DNAH7: variants seen among roughly 807,000 people sequenced by gnomAD.
DNAH7 encodes the protein dynein axonemal heavy chain 7.
A neutral mutation model predicts 444.6 loss-of-function variants in DNAH7; 397 were observed. The ratio of observed to expected loss-of-function variants is 0.89; its 90% CI spans 0.82 to 0.97. DNAH7 has a LOEUF of 0.97. Ranked by LOEUF, DNAH7 falls within the 50% of genes least tolerant of loss-of-function variation. The probability of loss-of-function intolerance (pLI) is 0.00; values close to 1 mark genes in which losing one functional copy is unlikely to be tolerated. For missense variants in DNAH7, 4,902 were observed against 4,800.8 expected (o/e 1.02, Z -0.62); for synonymous variants, 1,636 against 1,624.4 (o/e 1.01, Z -0.17).
rs372630122 is a variant in DNAH7 at position 195,740,546 on chromosome 2, T to C, written c.11868+220A>G. Among the ~76,000 whole-genome samples, 12 of 150,502 alleles carry C rather than the reference T, an allele frequency of 8.0e-5. No individual in the cohort carries two copies. In the East Asian group the frequency reaches 1.2e-3, roughly 15 times the overall value. On this transcript the variant is annotated intron_variant, in intron 64 of 64. Transcript: ENST00000312428. ...TAATTCAATGTTGGAAGCAACTTTA[T>C]AGAACATAATTACCATGAATAACAA...
At chr2:195,804,764 A>C (rs10196348) in intron 54 of DNAH7, among the ~76,000 whole-genome samples, 150,038 of 152,266 alleles carry the variant, frequency 0.99, 73,951 homozygotes, top group Middle Eastern at 1. Context: ...AGATGTATGG[A>C]CACAATCCTC....
intron 64 of DNAH7, among the ~76,000 whole-genome samples, chr2:195,738,362 TCTCA>T (rs562000709): frequency 1.3e-5 from 2 of 152,154 alleles, no homozygotes; most frequent in African/African-American, 4.8e-5. Flanking sequence ...CCTATTTATC[TCTCA>T]CTCAGCCACA....
In DNAH7 at chr2:195,972,380, G is replaced by C. The variant is rs142589377; in HGVS notation, c.1920C>G (p.Ile640Met). 6.2e-7 allele frequency: 1 copy of C among 1,613,866 alleles called. No individual in the cohort carries two copies. The highest frequency in any genetic ancestry group is 1.3e-5 in the African/African-American group (1 of 74,856). ...CTGCTGGAGAAAAGTTGACATACTC[G>C]ATGAGGAAGGCGAGGCAGTTTTTGG... ...VDSKNCLAFL[I>M]EYVNFSPADM... The change falls in exon 16 of 65, where the codon ATC becomes ATG. Residue 640 changes from isoleucine to methionine, a missense_variant. Transcript: ENST00000312428.
chr2:195,839,964 T>C (rs1698585470), intron 47 of DNAH7, among the ~76,000 whole-genome samples: 1 of 151,824 alleles, frequency 6.6e-6, no homozygotes, highest in African/African-American at 2.4e-5. Context: ...TAATTCTACA[T>C]GATCTCTTCC....
chr2:196,043,403 C>CA (rs1559363618), intron 5 of DNAH7, among the ~76,000 whole-genome samples: 1 of 152,034 alleles, frequency 6.6e-6, no homozygotes, highest in East Asian at 1.9e-4. Flanking sequence ...TCGCCTTATA[C>CA]AAAAATCAAC....
rs1318097701 is a variant in DNAH7, at chr2:195,947,171, AT to A, written c.3078+10089del. On this transcript the variant is annotated intron_variant, in intron 19 of 64. Transcript: ENST00000312428. ...TATATATTATTTTTATATATATAGTATTTTTAGTAGAGACGGGGTTTCACCA... is the reference window on the plus strand; with the variant it reads ...TATATATTATTTTTATATATATAGTATTTTAGTAGAGACGGGGTTTCACCA... Among the ~76,000 whole-genome samples the A allele has an allele frequency of 1.7e-4, 25 of 149,188 alleles. No homozygotes were observed. In the East Asian group the frequency reaches 4.5e-3, roughly 27 times the overall value.
At chr2:195,779,425 G>T (rs1413823737) in intron 58 of DNAH7, among the ~76,000 whole-genome samples, 1 of 152,104 alleles carries the variant, frequency 6.6e-6, no homozygotes, top group African/African-American at 2.4e-5. Flanking sequence ...TTTCCAAAAA[G>T]CTGAAGCATT....
At chr2:196,039,055 C>T (rs1173131758) in intron 5 of DNAH7, among the ~76,000 whole-genome samples, 1 of 152,140 alleles carries the variant, frequency 6.6e-6, no homozygotes, top group Non-Finnish European at 1.5e-5. Context: ...CAAAATGTTC[C>T]TTTCAATAGC....
At chr2:195,943,164 T>C (rs1205977458) in intron 19 of DNAH7, among the ~76,000 whole-genome samples, 3 of 152,176 alleles carry the variant, frequency 2.0e-5, no homozygotes, top group African/African-American at 7.2e-5. Flanking sequence ...CATGTGGAAC[T>C]GTAAGTCAAT....
chr2:195,754,265 A>G (rs867151534), intron 63 of DNAH7, 72 bp downstream of exon 63: 2 of 1,429,894 alleles, frequency 1.4e-6, no homozygotes, highest in African/African-American at 2.9e-5. Flanking sequence ...ACAGCTGAGG[A>G]AAGTATGCTA....
chr2:196,001,599 A>T, intron 11 of DNAH7, 76 bp downstream of exon 11: 2 of 1,297,618 alleles, frequency 1.5e-6, no homozygotes, highest in Non-Finnish European at 2.1e-6. Context: ...ACTGATAGAG[A>T]TGTTATTTTC....
intron 57 of DNAH7, among the ~76,000 whole-genome samples, chr2:195,790,006 G>T (rs540569626): frequency 6.6e-6 from 1 of 152,166 alleles, no homozygotes; most frequent in African/African-American, 2.4e-5. Flanking sequence ...GTACAAAAAT[G>T]AGCAGCATTT....
intron 19 of DNAH7, among the ~76,000 whole-genome samples, chr2:195,942,491 AGAG>A (rs772007158): frequency 6.6e-6 from 1 of 152,048 alleles, no homozygotes; most frequent in Non-Finnish European, 1.5e-5. Context: ...AGGAGGAAGA[AGAG>A]GAGATAGCCA....
intron 40 of DNAH7, among the ~76,000 whole-genome samples, chr2:195,865,592 C>A (rs1162454967): frequency 1.3e-5 from 2 of 152,044 alleles, no homozygotes; most frequent in Admixed American, 1.3e-4. Flanking sequence ...TAAAATAAAT[C>A]TCCGGTTATA....
Position 196,068,815 on chromosome 2 carries a change from C to A in DNAH7, c.-104G>T, listed in dbSNP as rs1433288452. 2.1e-6 allele frequency: 3 copies of A among 1,445,900 alleles called. No individual in the cohort carries two copies. Among genetic ancestry groups the A allele is most frequent in the Middle Eastern group, 2.4e-4 (1 of 4,198 alleles). 89.6% of individuals were successfully genotyped at this position (1,445,900 alleles called of 1,614,324 possible). On this transcript the variant is annotated 5_prime_UTR_variant, in exon 1 of 65. Coordinates refer to ENST00000312428, the MANE Select transcript of DNAH7 (RefSeq NM_018897.3). ...GCCCCGGGACTTGCAGCGGTCTCAG[C>A]TCCCTCCGCACCAGAGCCGTCTAGC...
chr2:195,778,656 A>T (rs1695210150), intron 58 of DNAH7, among the ~76,000 whole-genome samples: 2 of 103,654 alleles, frequency 1.9e-5, no homozygotes, highest in African/African-American at 4.0e-5. Context: ...ATATATATAT[A>T]TATATATATA....
Position 195,824,370 on chromosome 2 carries a change from C to T in DNAH7, c.9176G>A (p.Gly3059Asp). Residue 3059 changes from glycine (G) to aspartate (D), a missense_variant, in exon 49 of 65, where the codon GGT (glycine) becomes GAT (aspartate). Coordinates refer to ENST00000312428, the MANE Select transcript of DNAH7 (RefSeq NM_018897.3). Reference protein sequence around the residue: ...PLLLKQTFKQGGSTCIRLGDS... With the variant: ...PLLLKQTFKQDGSTCIRLGDS... ...CCCAAGCCGGATACATGTACTCCCACCCTGCTTAAAGGTTTGTTTTAGTAG... is the reference window on the plus strand; with the variant it reads ...CCCAAGCCGGATACATGTACTCCCATCCTGCTTAAAGGTTTGTTTTAGTAG... 6.2e-7 allele frequency: 1 copy of T among 1,613,818 alleles called. No individual in the cohort carries two copies.
At chr2:195,788,969 CAG>C (rs1205816687) in intron 57 of DNAH7, among the ~76,000 whole-genome samples, 1 of 152,132 alleles carries the variant, frequency 6.6e-6, no homozygotes, top group Non-Finnish European at 1.5e-5. Context: ...CAAGAAAATA[CAG>C]ACAGATAATG....
chr2:195,762,518 T>G (rs1414155976), intron 61 of DNAH7, among the ~76,000 whole-genome samples: 1 of 151,960 alleles, frequency 6.6e-6, no homozygotes, highest in Non-Finnish European at 1.5e-5. Context: ...ACATATAGAC[T>G]GAAAATAAAA....
Sources: allele counts gnomAD v4.1 joint callset (sites outside exome capture counted in the v4.1 genomes callset), GRCh38; gene constraint gnomAD v4.1.1; transcripts MANE v1.5; gene names NCBI Gene and HGNC (gene_info 2026-07-23, HGNC 2026-07-21).